The following NUP210L variants were observed in gnomAD, a reference collection of about 807,000 sequenced individuals.
NUP210L encodes the protein nuclear pore membrane glycoprotein 210-like.
In NUP210L, 74 loss-of-function variants were observed where a neutral mutation model predicts 208.5. That is an observed-to-expected ratio of 0.35 (90% CI 0.29 to 0.43). The LOEUF is 0.43. Ranked by LOEUF, NUP210L falls within the 20% of genes least tolerant of loss-of-function variation. The pLI, the probability that NUP210L is intolerant of heterozygous loss-of-function variation, is 1.00. For synonymous variants in NUP210L, 780 were observed against 816.9 expected, an observed-to-expected ratio of 0.95 and a Z score of 0.77; for missense variants, 1,843 against 2,289.4, an observed-to-expected ratio of 0.81 and a Z score of 3.98.
chr1:154,088,013 G>A (rs1050962558), intron 16 of NUP210L, among the ~76,000 whole-genome samples: 3 of 152,118 alleles, frequency 2.0e-5, no homozygotes, highest in African/African-American at 7.2e-5. Flanking sequence ...AGATAGCACC[G>A]ATGGTTGCAC....
At chr1:154,098,149 G>C (rs1444289007) in intron 14 of NUP210L, among the ~76,000 whole-genome samples, 2 of 152,224 alleles carry the variant, frequency 1.3e-5, no homozygotes, top group African/African-American at 4.8e-5. Flanking sequence ...CTCTCTGCAA[G>C]CCTGTGGCTA....
chr1:154,080,946 C>A (rs1210280907), intron 16 of NUP210L, among the ~76,000 whole-genome samples: 2 of 147,332 alleles, frequency 1.4e-5, no homozygotes, highest in African/African-American at 5.0e-5. Context: ...CATACTCCAA[C>A]CTGGGCAACA....
At chr1:154,051,495 T>C (rs1056486867) in intron 25 of NUP210L, among the ~76,000 whole-genome samples, 78 of 152,310 alleles carry the variant, frequency 5.1e-4, no homozygotes, top group African/African-American at 1.8e-3. Flanking sequence ...ATTACAGGTG[T>C]GAGCCACTGT....
intron 36 of NUP210L, among the ~76,000 whole-genome samples, 169 bp from the exon 37 acceptor site, chr1:154,001,229 G>A (rs960908611): frequency 2.0e-5 from 3 of 152,072 alleles, no homozygotes; most frequent in Non-Finnish European, 2.9e-5. Flanking sequence ...AGGGAGTCTC[G>A]CTCTGTCACC....
intron 37 of NUP210L, among the ~76,000 whole-genome samples, chr1:153,996,461 G>C (rs1321882163): frequency 6.6e-6 from 1 of 151,976 alleles, no homozygotes; most frequent in African/African-American, 2.4e-5. Context: ...AGTCTCTGTT[G>C]CCCAGGCTGG....
intron 27 of NUP210L, 38 bp from the exon 28 acceptor site, chr1:154,030,092 A>G: frequency 7.2e-7 from 1 of 1,397,358 alleles, no homozygotes; most frequent in East Asian, 2.5e-5. Context: ...ATATTCATCA[A>G]TAAACATGGT....
chr1:154,080,464 AG>A (rs1655262967), intron 16 of NUP210L, among the ~76,000 whole-genome samples: 1 of 151,988 alleles, frequency 6.6e-6, no homozygotes, highest in African/African-American at 2.4e-5. Context: ...ACTTGAGGTC[AG>A]GAATTCAGGA....
At chr1:154,036,804 C>T (rs1385647270) in intron 27 of NUP210L, among the ~76,000 whole-genome samples, 5 of 151,830 alleles carry the variant, frequency 3.3e-5, no homozygotes, top group African/African-American at 4.8e-5. Flanking sequence ...CTGTCACCTA[C>T]GCTAGAGTGC....
intron 25 of NUP210L, among the ~76,000 whole-genome samples, chr1:154,053,466 A>G (rs544767810): frequency 6.6e-6 from 1 of 152,316 alleles, no homozygotes; most frequent in East Asian, 1.9e-4. Context: ...GGCCCCAAAA[A>G]TGGCCATAAA....
chr1:154,117,584 C>CAAA, intron 12 of NUP210L, 141 bp downstream of exon 12: 1 of 574,908 alleles, frequency 1.7e-6, no homozygotes, highest in Non-Finnish European at 2.8e-6. Flanking sequence ...CATCTGTCTC[C>CAAA]AAAAAAAAAA....
chr1:154,110,429 G>A, intron 12 of NUP210L, among the ~76,000 whole-genome samples: 1 of 150,692 alleles, frequency 6.6e-6, no homozygotes, highest in East Asian at 2.0e-4. Flanking sequence ...ACGCCACCAT[G>A]CCTGGCTAAT....
At chr1:154,138,046 C>A (rs937603215) in intron 6 of NUP210L, 60 bp downstream of exon 6, 4 of 1,267,906 alleles carry the variant, frequency 3.2e-6, no homozygotes, top group Non-Finnish European at 4.2e-6. Flanking sequence ...AGTTGCTGAT[C>A]TTGTCAGCAG....
intron 17 of NUP210L, among the ~76,000 whole-genome samples, chr1:154,065,005 G>A (rs1365126446): frequency 2.6e-5 from 4 of 151,888 alleles, no homozygotes; most frequent in Non-Finnish European, 2.9e-5. Context: ...GAAACCGGGA[G>A]GTAGAGGTTG....
Position 154,089,407 on chromosome 1 carries a change from T to G in NUP210L, c.2361+14A>C. 1.2e-6 allele frequency: 2 copies of G among 1,607,566 alleles called. No homozygotes were observed. Among genetic ancestry groups the G allele is most frequent in the African/African-American group, 1.3e-5 (1 of 74,946 alleles). On this transcript the variant is annotated intron_variant, in intron 16 of 39. Coordinates refer to ENST00000368559, the Ensembl canonical transcript of NUP210L. ...AAAAGTGCCAACTTAGTTGGAAACA[T>G]ACTCTGTACTTACCAGCCATTTGTT... is the stretch of plus-strand genomic sequence containing the variant.
intron 14 of NUP210L, 82 bp from the exon 15 acceptor site, chr1:154,095,238 A>G (rs1400260679): frequency 2.9e-5 from 29 of 999,058 alleles, no homozygotes; most frequent in Non-Finnish European, 4.3e-5. Flanking sequence ...TTATCTGAAT[A>G]TGCTGCAAAT....
In NUP210L at chr1:154,139,863, A is replaced by G. The variant is rs761932888; in HGVS notation, c.656T>C (p.Val219Ala). The G allele has an allele frequency of 1.9e-6, 3 of 1,613,630 alleles. No homozygotes were observed. The Admixed American group carries it at 5.0e-5, about 27-fold the overall frequency. Residue 219 changes from valine to alanine, a missense_variant, in exon 5 of 40, where the codon GTG becomes GCG. Val to Ala is a moderately conservative substitution (Grantham distance 64, BLOSUM62 0). Around this residue, in one of 5 missense-constraint regions of NUP210L, gnomAD observed 542 missense variants for 606.4 expected, o/e 0.89. Coordinates refer to ENST00000368559, the Ensembl canonical transcript of NUP210L. ...AGCAGCACCAGTTCTAATCCCAGACACTAAAATCACATCTCCTTGTTTCTC... is the reference window on the plus strand; with the variant it reads ...AGCAGCACCAGTTCTAATCCCAGACGCTAAAATCACATCTCCTTGTTTCTC...
chr1:154,103,290 A>G (rs535834779), intron 13 of NUP210L, among the ~76,000 whole-genome samples: 4 of 152,076 alleles, frequency 2.6e-5, no homozygotes, highest in East Asian at 1.9e-4. Context: ...GGTACTTGGG[A>G]GGCTGAGGCA....
chr1:154,002,633 A>G (rs1025702934), intron 35 of NUP210L, among the ~76,000 whole-genome samples: 2 of 151,900 alleles, frequency 1.3e-5, no homozygotes, highest in Non-Finnish European at 2.9e-5. Context: ...CAAAAAAAAA[A>G]ATTATATTTT....
intron 38 of NUP210L, among the ~76,000 whole-genome samples, chr1:153,994,074 C>T (rs1571141007): frequency 9.0e-6 from 1 of 110,980 alleles, no homozygotes; most frequent in Admixed American, 8.1e-5. Flanking sequence ...GAGATGGAGT[C>T]TCTCTGTGTT....
Sources: gnomAD v4.1 joint callset for allele counts (sites outside exome capture counted in the v4.1 genomes callset) on GRCh38, gnomAD v4.1.1 for gene constraint, gnomAD v4.1.1 regional missense constraint, MANE v1.5 for transcripts, NCBI Gene and HGNC (gene_info 2026-07-23, HGNC 2026-07-21) for gene names.